Variants in CRIM1 observed in about 807,000 individuals in gnomAD.
The protein encoded by CRIM1 is cysteine-rich motor neuron 1 protein.
In CRIM1, 32 loss-of-function variants were observed where a neutral mutation model predicts 116.4. That is an observed-to-expected ratio of 0.27 (90% CI 0.21 to 0.37). The LOEUF (loss-of-function observed/expected upper bound fraction) is 0.37, where lower values mean the gene tolerates loss of function less well. Ranked by LOEUF, CRIM1 falls within the 10% of genes least tolerant of loss-of-function variation. The pLI is 1.00. For synonymous variants in CRIM1, 590 were observed against 509.2 expected (o/e 1.16, Z -2.13); for missense variants, 1,331 against 1,354.8 (o/e 0.98, Z 0.28).
intron 7 of CRIM1, among the ~76,000 whole-genome samples, chr2:36,489,864 G>A (rs1214076959): frequency 6.6e-6 from 1 of 152,130 alleles, no homozygotes; most frequent in African/African-American, 2.4e-5. Context: ...TGGATTAGCT[G>A]ATTACTAAGA....
intron 4 of CRIM1, among the ~76,000 whole-genome samples, chr2:36,455,272 A>G (rs1677047862): frequency 6.6e-6 from 1 of 152,224 alleles, no homozygotes; most frequent in Non-Finnish European, 1.5e-5. Flanking sequence ...CTTTGTCCAC[A>G]TAGACTCTCA....
At chr2:36,442,244 TTTC>T (rs1572739847) in intron 3 of CRIM1, among the ~76,000 whole-genome samples, 2 of 151,978 alleles carry the variant, frequency 1.3e-5, no homozygotes, top group African/African-American at 4.8e-5. Flanking sequence ...TTTTTCTTTC[TTTC>T]TTTTTTTTTT....
intron 14 of CRIM1, among the ~76,000 whole-genome samples, chr2:36,542,928 G>C (rs1412889607): frequency 2.6e-5 from 4 of 152,112 alleles, no homozygotes; most frequent in Non-Finnish European, 5.9e-5. Flanking sequence ...GGGTAATTCT[G>C]ATATGATTTT....
intron 1 of CRIM1, among the ~76,000 whole-genome samples, chr2:36,372,784 A>G (rs1384677931): frequency 6.6e-6 from 1 of 152,198 alleles, no homozygotes; most frequent in African/African-American, 2.4e-5. Flanking sequence ...CCCACTTCAG[A>G]TCCTTTTATT....
At chr2:36,376,182 A>G (rs1202726596) in intron 1 of CRIM1, among the ~76,000 whole-genome samples, 2 of 152,226 alleles carry the variant, frequency 1.3e-5, no homozygotes, top group East Asian at 1.9e-4. Flanking sequence ...GATTGTTTCC[A>G]GTGTTATATA....
chr2:36,374,540 A>C (rs181948351), intron 1 of CRIM1, among the ~76,000 whole-genome samples: 1 of 152,278 alleles, frequency 6.6e-6, no homozygotes, highest in Non-Finnish European at 1.5e-5. Flanking sequence ...ATCTAACATT[A>C]TATCAAATAC....
intron 2 of CRIM1, among the ~76,000 whole-genome samples, chr2:36,404,004 A>T (rs866258717): frequency 1.2e-4 from 18 of 152,170 alleles, no homozygotes; most frequent in South Asian, 4.1e-4. Flanking sequence ...ATTTTTAGGA[A>T]GATTAATGTG....
intron 12 of CRIM1, among the ~76,000 whole-genome samples, chr2:36,519,421 T>G (rs1665235519): frequency 6.6e-6 from 1 of 152,242 alleles, no homozygotes; most frequent in Non-Finnish European, 1.5e-5. Flanking sequence ...TTTTTTTCTT[T>G]ACCTCTAACT....
At chr2:36,398,509 G>A (rs919191243) in intron 2 of CRIM1, among the ~76,000 whole-genome samples, 8 of 152,288 alleles carry the variant, frequency 5.3e-5, no homozygotes, top group African/African-American at 1.7e-4. Flanking sequence ...TAACTTTATT[G>A]ATTTTTAAAG....
At chr2:36,445,347 G>T (rs1419727543) in intron 4 of CRIM1, among the ~76,000 whole-genome samples, 1 of 152,084 alleles carries the variant, frequency 6.6e-6, no homozygotes, top group Admixed American at 6.6e-5. Context: ...CACAGCATGG[G>T]ATGCCTTTCA....
At position 36,537,542 on chromosome 2, in the gene CRIM1, T is replaced by G; in HGVS notation, c.2619T>G (p.Cys873Trp). ...TGGAAGGAAGTTGCTGCCCAATGTGTCCAGGTATCTAAGCCACCATCCTTC... is the reference window on the plus strand; with the variant it reads ...TGGAAGGAAGTTGCTGCCCAATGTGGCCAGGTATCTAAGCCACCATCCTTC... Reference protein sequence around the residue: ...INVEGSCCPMCPEMYVPEPTN... With the variant: ...INVEGSCCPMWPEMYVPEPTN... Residue 873 changes from cysteine to tryptophan, a missense_variant, in exon 14 of 17, where the codon TGT becomes TGG. This residue lies in a region of CRIM1 where 283 missense variants were observed against 242.8 expected (regional missense o/e 1.17). Coordinates refer to ENST00000280527, the MANE Select transcript of CRIM1 (RefSeq NM_016441.3). 6.2e-7 allele frequency: 1 copy of G among 1,602,980 alleles called. No homozygotes were observed. Among genetic ancestry groups the G allele is most frequent in the Non-Finnish European group, 8.5e-7 (1 of 1,174,974 alleles).
chr2:36,545,972 G>A (rs1466654304), intron 15 of CRIM1, among the ~76,000 whole-genome samples: 1 of 152,072 alleles, frequency 6.6e-6, no homozygotes, highest in African/African-American at 2.4e-5. Context: ...GATTAGGAAT[G>A]TTTTCTACCT....
chr2:36,371,920 A>T (rs560138368), intron 1 of CRIM1, among the ~76,000 whole-genome samples: 1 of 152,250 alleles, frequency 6.6e-6, no homozygotes, highest in African/African-American at 2.4e-5. Context: ...TGACCATATC[A>T]TCATGACTTG....
intron 15 of CRIM1, among the ~76,000 whole-genome samples, chr2:36,546,309 T>C (rs996891201): frequency 7.2e-5 from 11 of 152,176 alleles, no homozygotes; most frequent in Admixed American, 7.2e-4. Context: ...AAGAGAGATA[T>C]TTTAAAAGAA....
In CRIM1 at chr2:36,469,812, C is replaced by T. The variant is rs181996214; in HGVS notation, c.991+5157C>T. 3.9e-5 allele frequency among the ~76,000 whole-genome samples: 6 copies of T among 152,268 alleles called. 1 individual carries two copies. Among genetic ancestry groups the T allele is most frequent in the Admixed American group, 1.3e-4 (2 of 15,292 alleles). Reference sequence around the variant, plus strand: ...CAGTATGTGTTTATTGAGCACCCCTCGTGTTCCTGGGGCCTTGTTAAGCTA... The same window carrying T: ...CAGTATGTGTTTATTGAGCACCCCTTGTGTTCCTGGGGCCTTGTTAAGCTA... On this transcript the variant is annotated intron_variant, in intron 5 of 16. Coordinates refer to ENST00000280527, the MANE Select transcript of CRIM1 (RefSeq NM_016441.3).
chr2:36,363,457 G>A (rs557148442), intron 1 of CRIM1, among the ~76,000 whole-genome samples: 39 of 149,942 alleles, frequency 2.6e-4, no homozygotes, highest in Non-Finnish European at 5.0e-4. Context: ...CTCAGTCATT[G>A]ATGGTAAGCA....
chr2:36,356,279 G>C lies in CRIM1; in HGVS notation c.-14G>C. On this transcript the variant is annotated 5_prime_UTR_variant, in exon 1 of 17. Coordinates refer to ENST00000280527, the MANE Select transcript of CRIM1 (RefSeq NM_016441.3). This position sits in a 1 kb window ranked among gnomAD's most constrained non-coding sequence, Gnocchi z 4.3. Reference sequence around the variant, plus strand: ...GGCCCGGCTGCGAGGAGGAGGCGGCGGCGGCGCAGGAGGATGTACTTGGTG... The same window carrying C: ...GGCCCGGCTGCGAGGAGGAGGCGGCCGCGGCGCAGGAGGATGTACTTGGTG... 1 of 1,386,770 alleles carries C rather than the reference G, an allele frequency of 7.2e-7. No homozygotes were observed. Among genetic ancestry groups the C allele is most frequent in the Non-Finnish European group, 9.5e-7 (1 of 1,057,946 alleles). The allele number at this position is 1,386,770 out of a possible 1,614,324, so 85.9% of individuals were successfully genotyped here.
chr2:36,386,236 TTATC>T (rs1321467070), intron 1 of CRIM1, among the ~76,000 whole-genome samples: 10 of 152,342 alleles, frequency 6.6e-5, no homozygotes, highest in African/African-American at 2.4e-4. Context: ...GTGTGTCACA[TTATC>T]TAATTATTGT....
At chr2:36,524,000 A>C (rs1238964167) in intron 13 of CRIM1, among the ~76,000 whole-genome samples, 2 of 152,218 alleles carry the variant, frequency 1.3e-5, no homozygotes. Context: ...TAAAAGCTAG[A>C]TGGCCAAAGA....
Sources: gnomAD v4.1 joint callset for allele counts (sites outside exome capture counted in the v4.1 genomes callset) on GRCh38, gnomAD v4.1.1 for gene constraint, gnomAD v4.1.1 regional missense constraint, Gnocchi (gnomAD v3.1) non-coding constraint, MANE v1.5 for transcripts, NCBI Gene and HGNC (gene_info 2026-07-23, HGNC 2026-07-21) for gene names.